Variants in LAMA2 observed in about 807,000 individuals in gnomAD.
The protein encoded by LAMA2 is laminin subunit alpha 2.
LAMA2 carries 269 observed loss-of-function variants against 364.8 expected under a neutral mutation model. The observed-to-expected ratio is 0.74, with a 90% CI of 0.67 to 0.82. LAMA2 has a LOEUF of 0.82. Among genes scored for constraint, LAMA2 ranks in the 40% least tolerant of loss-of-function variants. LAMA2 has a pLI of 0.00. For missense variants in LAMA2, 3,807 were observed against 3,873.2 expected (o/e 0.98, Z 0.45); for synonymous variants, 1,379 against 1,370.6 (o/e 1.01, Z -0.14).
chr6:128,964,993 A>G (rs1014607618), intron 1 of LAMA2, among the ~76,000 whole-genome samples: 1 of 152,022 alleles, frequency 6.6e-6, no homozygotes, highest in Non-Finnish European at 1.5e-5. Context: ...TACAGAATAC[A>G]TTCCTGTTTC....
chr6:128,952,256 A>C (rs181907935), intron 1 of LAMA2, among the ~76,000 whole-genome samples: 163 of 152,344 alleles, frequency 1.1e-3, no homozygotes, highest in African/African-American at 3.8e-3. Flanking sequence ...GTATATGAAA[A>C]AGCAAATATC....
intron 18 of LAMA2, among the ~76,000 whole-genome samples, chr6:129,287,176 GC>G (rs1789325534): frequency 6.7e-6 from 1 of 150,184 alleles, no homozygotes; most frequent in South Asian, 2.1e-4. Flanking sequence ...AATAGAGTTG[GC>G]AGGCACAGTT....
intron 3 of LAMA2, among the ~76,000 whole-genome samples, chr6:129,076,414 A>G (rs147949119): frequency 2.3e-3 from 329 of 145,544 alleles, no homozygotes; most frequent in African/African-American, 7.8e-3. Flanking sequence ...TGTAATGAGT[A>G]TATGTGTGTA....
intron 22 of LAMA2, among the ~76,000 whole-genome samples, chr6:129,302,872 C>T (rs1288603625): frequency 2.0e-5 from 3 of 152,134 alleles, no homozygotes; most frequent in Non-Finnish European, 2.9e-5. Context: ...TCCAGCAAGT[C>T]ATAAAATCAG....
chr6:129,326,447 A>G (rs1775288759), intron 28 of LAMA2, among the ~76,000 whole-genome samples: 1 of 152,076 alleles, frequency 6.6e-6, no homozygotes. Flanking sequence ...CTACAACGCT[A>G]AACTGTACAA....
At chr6:129,160,539 CT>C (rs2114986227) in intron 8 of LAMA2, among the ~76,000 whole-genome samples, 1 of 151,934 alleles carries the variant, frequency 6.6e-6, no homozygotes, top group East Asian at 1.9e-4. Flanking sequence ...AAAAAAACTT[CT>C]GCCTTTTTAT....
chr6:129,028,692 A>G (rs1276044060), intron 1 of LAMA2, among the ~76,000 whole-genome samples: 1 of 151,894 alleles, frequency 6.6e-6, no homozygotes, highest in Non-Finnish European at 1.5e-5. Flanking sequence ...AAAACATTTC[A>G]TTCAATAAGT....
intron 28 of LAMA2, 56 bp from the exon 29 acceptor site, chr6:129,328,222 G>T (rs759134786): frequency 4.6e-5 from 67 of 1,462,666 alleles, no homozygotes; most frequent in Non-Finnish European, 6.3e-5. Flanking sequence ...GAGCTCAAGC[G>T]TTGCTAATGC....
intron 41 of LAMA2, among the ~76,000 whole-genome samples, chr6:129,430,125 A>G (rs1358906617): frequency 1.3e-5 from 2 of 152,188 alleles, no homozygotes; most frequent in African/African-American, 4.8e-5. Flanking sequence ...TTTGTGGCCA[A>G]TTACGGAGGT....
At chr6:129,238,728 G>A (rs866163230) in intron 12 of LAMA2, among the ~76,000 whole-genome samples, 2 of 152,054 alleles carry the variant, frequency 1.3e-5, no homozygotes, top group South Asian at 2.1e-4. Context: ...TTAGAGCCAC[G>A]ATTGCTCCAT....
intron 58 of LAMA2, among the ~76,000 whole-genome samples, 172 bp from the exon 59 acceptor site, chr6:129,502,487 G>A (rs113097046): frequency 1.3e-5 from 2 of 152,128 alleles, no homozygotes; most frequent in African/African-American, 2.4e-5. Context: ...TGATTCACAC[G>A]CACTGAGCAC....
chr6:129,462,209 C>A (rs1488085536), intron 49 of LAMA2, among the ~76,000 whole-genome samples: 2 of 151,996 alleles, frequency 1.3e-5, no homozygotes, highest in Non-Finnish European at 2.9e-5. Context: ...GGGTAAGATG[C>A]AGTGGCCACA....
chr6:129,222,101 A>G (rs1430359451), intron 12 of LAMA2, among the ~76,000 whole-genome samples: 1 of 152,212 alleles, frequency 6.6e-6, no homozygotes, highest in Non-Finnish European at 1.5e-5. Context: ...AGGATTGTAT[A>G]GATAGTTGCA....
intron 3 of LAMA2, among the ~76,000 whole-genome samples, chr6:129,060,643 A>G (rs1279783055): frequency 1.1e-4 from 16 of 152,246 alleles, no homozygotes; most frequent in Non-Finnish European, 2.2e-4. Flanking sequence ...TTAATGACAG[A>G]CACCATACAC....
intron 1 of LAMA2, among the ~76,000 whole-genome samples, chr6:128,897,463 T>TA (rs1776843315): frequency 6.6e-6 from 1 of 152,206 alleles, no homozygotes; most frequent in Non-Finnish European, 1.5e-5. Flanking sequence ...AAGAATGTGC[T>TA]TTTTTTCTCT....
At chr6:129,353,699 T>C (rs554848049) in intron 32 of LAMA2, among the ~76,000 whole-genome samples, 2 of 152,338 alleles carry the variant, frequency 1.3e-5, no homozygotes, top group East Asian at 3.9e-4. Flanking sequence ...AGATTAAAGA[T>C]GTGAGTGTAT....
chr6:129,279,607 A>C (rs1261662741), intron 17 of LAMA2, among the ~76,000 whole-genome samples: 4 of 152,166 alleles, frequency 2.6e-5, no homozygotes, highest in Non-Finnish European at 5.9e-5. Context: ...CCACTATGGC[A>C]GTAGCTGAAG....
At chr6:129,471,074 TTTC>T (rs1783788735) in intron 51 of LAMA2, among the ~76,000 whole-genome samples, 1 of 152,036 alleles carries the variant, frequency 6.6e-6, no homozygotes, top group East Asian at 1.9e-4. Context: ...TTATAAAATA[TTTC>T]TTAAGTCCCT....
At chr6:129,445,319 T>C (rs905525351) in intron 44 of LAMA2, among the ~76,000 whole-genome samples, 1 of 152,236 alleles carries the variant, frequency 6.6e-6, no homozygotes, top group Admixed American at 6.5e-5. Flanking sequence ...TGCTTTCATT[T>C]CCTTGCTTCT....
Sources: gnomAD v4.1 joint callset for allele counts (sites outside exome capture counted in the v4.1 genomes callset) on GRCh38, gnomAD v4.1.1 for gene constraint, MANE v1.5 for transcripts, NCBI Gene and HGNC (gene_info 2026-07-23, HGNC 2026-07-21) for gene names.